Variants in CTNND2 observed in about 807,000 individuals in gnomAD.
CTNND2 encodes the protein catenin delta 2, also known as catenin delta-2.
CTNND2 carries 22 observed loss-of-function variants against 144.4 expected under a neutral mutation model. The observed-to-expected ratio is 0.15, with a 90% CI of 0.11 to 0.22. CTNND2 has a LOEUF of 0.22. Ranked by LOEUF, CTNND2 falls within the 10% of genes least tolerant of loss-of-function variation. The pLI, the probability that CTNND2 is intolerant of heterozygous loss-of-function variation, is 1.00. For missense variants in CTNND2, 1,353 were observed against 1,618.8 expected, an observed-to-expected ratio of 0.84 and a Z score of 2.82; for synonymous variants, 751 against 695.6, an observed-to-expected ratio of 1.08 and a Z score of -1.25.
At chr5:11,294,130 C>A (rs1331685731) in intron 9 of CTNND2, among the ~76,000 whole-genome samples, 5 of 150,462 alleles carry the variant, frequency 3.3e-5, no homozygotes, top group Admixed American at 6.6e-5. Context: ...GAGCATGAAT[C>A]CAGCCAGTGA....
At chr5:11,668,462 C>T (rs1330577114) in intron 2 of CTNND2, among the ~76,000 whole-genome samples, 1 of 152,168 alleles carries the variant, frequency 6.6e-6, no homozygotes, top group South Asian at 2.1e-4. Flanking sequence ...TGTAGTTCTC[C>T]TTGAAGAGGT....
At position 11,384,577 on chromosome 5, in the gene CTNND2, G is replaced by T. The variant is rs1394477682; in HGVS notation, c.1177+88C>A. On this transcript the variant is annotated intron_variant, in intron 7 of 21. Coordinates refer to ENST00000304623, the MANE Select transcript of CTNND2 (RefSeq NM_001332.4). The surrounding 1 kb of genome is among the most constrained non-coding windows in gnomAD (Gnocchi z 5.2). ...CTACAACCTGGCAGACAGCGCGCCC[G>T]GCTTCGCTTCTGCTCAAGCCGGGCT... The T allele has an allele frequency of 7.7e-7, 1 of 1,295,474 alleles. No homozygotes were observed. Among genetic ancestry groups the T allele is most frequent in the African/African-American group, 1.5e-5 (1 of 66,504 alleles). The allele number at this position is 1,295,474 out of a possible 1,614,324, so 80.2% of individuals were successfully genotyped here. A position where few individuals can be genotyped will look rare whatever the true frequency, so the allele number is the denominator to read the frequency against.
intron 5 of CTNND2, among the ~76,000 whole-genome samples, chr5:11,409,391 A>T (rs540789898): frequency 6.6e-6 from 1 of 152,208 alleles, no homozygotes; most frequent in South Asian, 2.1e-4. Flanking sequence ...ATCATGCAAT[A>T]AATAAAACCT....
rs559592802 is a variant in CTNND2, at chr5:10,978,502, G to GA, written c.3417+3270_3417+3271insT. 5.8e-3 allele frequency among the ~76,000 whole-genome samples: 460 copies of GA among 79,448 alleles called. 1 individual carries two copies. Among genetic ancestry groups the GA allele is most frequent in the African/African-American group, 0.028 (434 of 15,652 alleles). The allele number at this position is 79,448 out of a possible 152,430, so 52.1% of individuals were successfully genotyped here. Reference sequence around the variant, plus strand: ...CTCCTTGGAAATACTTTTTGGGGAGGGGGGGGAACCCTCTCTTTGGTGGAC... The same window carrying GA: ...CTCCTTGGAAATACTTTTTGGGGAGGAGGGGGGAACCCTCTCTTTGGTGGAC... On this transcript the variant is annotated intron_variant, in intron 21 of 21. Coordinates refer to ENST00000304623, the MANE Select transcript of CTNND2 (RefSeq NM_001332.4).
chr5:11,576,664 T>G (rs1312159004), intron 2 of CTNND2, among the ~76,000 whole-genome samples: 1 of 152,186 alleles, frequency 6.6e-6, no homozygotes, highest in Non-Finnish European at 1.5e-5. Context: ...GTCATAAAAT[T>G]GACACTTTCA....
At chr5:11,351,040 C>A (rs1219685780) in intron 8 of CTNND2, among the ~76,000 whole-genome samples, 1 of 152,170 alleles carries the variant, frequency 6.6e-6, no homozygotes, top group Admixed American at 6.5e-5. Context: ...CTGGCCCCAA[C>A]TATTTAGACA....
At chr5:11,649,468 C>T (rs1015148132) in intron 2 of CTNND2, among the ~76,000 whole-genome samples, 2 of 152,088 alleles carry the variant, frequency 1.3e-5, no homozygotes, top group South Asian at 2.1e-4. Flanking sequence ...CAGGTGTGCA[C>T]CACCACACTC....
At chr5:11,444,829 G>A (rs1764661712) in intron 3 of CTNND2, among the ~76,000 whole-genome samples, 1 of 152,194 alleles carries the variant, frequency 6.6e-6, no homozygotes, top group African/African-American at 2.4e-5. Context: ...TGTCGATAAA[G>A]CCTTGAGCTG....
intron 12 of CTNND2, among the ~76,000 whole-genome samples, chr5:11,148,587 G>A (rs1757458874): frequency 6.6e-6 from 1 of 152,186 alleles, no homozygotes; most frequent in Non-Finnish European, 1.5e-5. Flanking sequence ...CAGGTCCAGT[G>A]AGGTGAGAAG....
At chr5:11,392,970 C>T (rs1411449305) in intron 6 of CTNND2, among the ~76,000 whole-genome samples, 1 of 152,182 alleles carries the variant, frequency 6.6e-6, no homozygotes, top group Non-Finnish European at 1.5e-5. Flanking sequence ...TTACAGGGAA[C>T]TTGCTCTTCC....
chr5:11,871,076 A>G (rs903310839), intron 1 of CTNND2, among the ~76,000 whole-genome samples: 5 of 152,206 alleles, frequency 3.3e-5, no homozygotes, highest in Non-Finnish European at 5.9e-5. Flanking sequence ...AGAAGAGGCC[A>G]GAGAGTTATC....
intron 5 of CTNND2, among the ~76,000 whole-genome samples, chr5:11,405,774 G>A (rs1007414777): frequency 6.7e-6 from 1 of 148,358 alleles, no homozygotes; most frequent in Admixed American, 6.8e-5. Flanking sequence ...ACCCGAGGTA[G>A]GGGGGGAAGT....
intron 13 of CTNND2, among the ~76,000 whole-genome samples, chr5:11,116,575 T>G (rs1377240133): frequency 1.3e-5 from 2 of 152,320 alleles, no homozygotes; most frequent in East Asian, 3.9e-4. Context: ...GCTCAAACAC[T>G]GGAAAAGCCC....
chr5:11,319,399 T>G (rs1227854530), intron 9 of CTNND2, among the ~76,000 whole-genome samples: 1 of 152,240 alleles, frequency 6.6e-6, no homozygotes, highest in Non-Finnish European at 1.5e-5. Context: ...TAAATATTTA[T>G]AAATTAAAAT....
chr5:11,083,848 C>T, intron 15 of CTNND2: 1 of 1,090,700 alleles, frequency 9.2e-7, no homozygotes. Flanking sequence ...CCCCTTCCCC[C>T]ATGGGGGCAG....
intron 10 of CTNND2, among the ~76,000 whole-genome samples, chr5:11,220,007 T>G (rs774111544): frequency 2.0e-4 from 30 of 152,176 alleles, no homozygotes; most frequent in Non-Finnish European, 2.4e-4. Context: ...AGGGGAGCTC[T>G]GTAAGACAAC....
chr5:11,848,347 A>G (rs566497122), intron 1 of CTNND2, among the ~76,000 whole-genome samples: 183 of 152,290 alleles, frequency 1.2e-3, no homozygotes, highest in Non-Finnish European at 2.0e-3. Flanking sequence ...AGTTTGCAGA[A>G]ACTACACACT....
chr5:11,531,551 G>A (rs921630760), intron 3 of CTNND2, among the ~76,000 whole-genome samples: 15 of 152,208 alleles, frequency 9.9e-5, no homozygotes, highest in South Asian at 8.3e-4. Flanking sequence ...ACTTGAACCC[G>A]GGAGGCAGAG....
chr5:11,400,594 C>G (rs968179737), intron 5 of CTNND2, among the ~76,000 whole-genome samples: 2 of 152,074 alleles, frequency 1.3e-5, no homozygotes, highest in African/African-American at 4.8e-5. Flanking sequence ...TGTTCTGAAA[C>G]AAAACCTACT....
Sources: allele counts gnomAD v4.1 joint callset (sites outside exome capture counted in the v4.1 genomes callset), GRCh38; gene constraint gnomAD v4.1.1; non-coding constraint Gnocchi (gnomAD v3.1); transcripts MANE v1.5; gene names NCBI Gene and HGNC (gene_info 2026-07-23, HGNC 2026-07-21).